The following NSMCE2 variants were observed in gnomAD, a reference collection of about 807,000 sequenced individuals.
The protein encoded by NSMCE2 is E3 SUMO-protein ligase NSE2.
Under a neutral mutation model 23.8 loss-of-function variants are expected in NSMCE2, and 24 were observed. The ratio of observed to expected loss-of-function variants is 1.01; its 90% confidence interval spans 0.73 to 1.42. The LOEUF (loss-of-function observed/expected upper bound fraction) is 1.42. Among genes scored for constraint, NSMCE2 ranks in the 40% most tolerant of loss-of-function variants. NSMCE2 has a pLI of 0.00. For missense variants in NSMCE2, 284 were observed against 296.5 expected, an observed-to-expected ratio of 0.96 and a Z score of 0.31; for synonymous variants, 92 against 94.1, an observed-to-expected ratio of 0.98 and a Z score of 0.13.
intron 5 of NSMCE2, among the ~76,000 whole-genome samples, chr8:125,229,359 G>A (rs1408713694): frequency 6.6e-6 from 1 of 152,126 alleles, no homozygotes; most frequent in African/African-American, 2.4e-5. Context: ...ATCCTTAATA[G>A]TAAAATATTT....
intron 5 of NSMCE2, among the ~76,000 whole-genome samples, chr8:125,229,184 T>C (rs1158177364): frequency 1.3e-5 from 2 of 152,108 alleles, no homozygotes; most frequent in South Asian, 4.1e-4. Flanking sequence ...AAGCAAGACA[T>C]GGAGAACCTG....
At chr8:125,191,028 AC>A (rs1286657611) in intron 5 of NSMCE2, among the ~76,000 whole-genome samples, 1 of 151,820 alleles carries the variant, frequency 6.6e-6, no homozygotes, top group Admixed American at 6.6e-5. Flanking sequence ...CCGCCACGCC[AC>A]CTAGCTAATT....
chr8:125,149,839 A>G (rs1417578138), intron 3 of NSMCE2, among the ~76,000 whole-genome samples: 1 of 152,002 alleles, frequency 6.6e-6, no homozygotes, highest in Non-Finnish European at 1.5e-5. Context: ...ATAGGTATGT[A>G]AGGTTTTTTT....
chr8:125,096,310 A>C (rs1200206799), intron 1 of NSMCE2, among the ~76,000 whole-genome samples: 1 of 152,210 alleles, frequency 6.6e-6, no homozygotes, highest in African/African-American at 2.4e-5. Flanking sequence ...GTTGAAGAGG[A>C]AATGGTTTTG....
intron 4 of NSMCE2, among the ~76,000 whole-genome samples, chr8:125,154,511 T>TAA (rs56201104): frequency 2.5e-3 from 309 of 124,048 alleles, no homozygotes; most frequent in African/African-American, 6.5e-3. Context: ...CTCTGAAAGT[T>TAA]AAAAAAAAAA....
At chr8:125,159,959 C>CA (rs1201506209) in intron 4 of NSMCE2, among the ~76,000 whole-genome samples, 7,074 of 102,424 alleles carry the variant, frequency 0.069, 538 homozygotes, top group African/African-American at 0.22. Context: ...GACTCTGTCT[C>CA]AAAAAAAAAA....
At chr8:125,227,945 A>G (rs1274288378) in intron 5 of NSMCE2, among the ~76,000 whole-genome samples, 2 of 152,196 alleles carry the variant, frequency 1.3e-5, no homozygotes, top group Non-Finnish European at 2.9e-5. Flanking sequence ...CTAATATTTC[A>G]TGTTATGCAT....
At chr8:125,180,122 C>T (rs1010532369) in intron 4 of NSMCE2, among the ~76,000 whole-genome samples, 2 of 152,176 alleles carry the variant, frequency 1.3e-5, no homozygotes, top group East Asian at 1.9e-4. Context: ...TTTTGAACTT[C>T]TTGCATTTTG....
At chr8:125,096,541 G>GTT (rs113915534) in intron 1 of NSMCE2, among the ~76,000 whole-genome samples, 4 of 89,068 alleles carry the variant, frequency 4.5e-5, no homozygotes, top group South Asian at 3.6e-4. Flanking sequence ...AGTGTTATTT[G>GTT]TTTTTTTTTT....
intron 3 of NSMCE2, among the ~76,000 whole-genome samples, chr8:125,109,091 A>G (rs1818606434): frequency 6.6e-6 from 1 of 152,214 alleles, no homozygotes; most frequent in Non-Finnish European, 1.5e-5. Flanking sequence ...AGGTATTGTA[A>G]CTAAGGTAAA....
intron 5 of NSMCE2, among the ~76,000 whole-genome samples, chr8:125,246,136 TAACTCTGTGAC>T (rs1355239567): frequency 1.3e-5 from 2 of 152,194 alleles, no homozygotes; most frequent in African/African-American, 4.8e-5. Context: ...AATTCAGTTT[TAACTCTGTGAC>T]AATTCAATCT....
chr8:125,111,772 C>T (rs182110761), intron 3 of NSMCE2, among the ~76,000 whole-genome samples: 1 of 152,264 alleles, frequency 6.6e-6, no homozygotes, highest in Non-Finnish European at 1.5e-5. Flanking sequence ...TGCACTGCAA[C>T]CTAGGCAGTA....
chr8:125,233,716 A>T (rs898181013), intron 5 of NSMCE2, among the ~76,000 whole-genome samples: 3 of 152,204 alleles, frequency 2.0e-5, no homozygotes, highest in Non-Finnish European at 4.4e-5. Context: ...GAAACTCGTG[A>T]TAAGATTGTC....
chr8:125,207,932 AACTTTTGTCAG>A (rs767566537), intron 5 of NSMCE2, among the ~76,000 whole-genome samples: 2 of 152,232 alleles, frequency 1.3e-5, no homozygotes, highest in Non-Finnish European at 2.9e-5. Context: ...CTCACAGTGT[AACTTTTGTCAG>A]ACTTTTGGTC....
At chr8:125,106,790 G>GT (rs1818481439) in intron 3 of NSMCE2, among the ~76,000 whole-genome samples, 1 of 151,924 alleles carries the variant, frequency 6.6e-6, no homozygotes, top group South Asian at 2.1e-4. Flanking sequence ...GAGTTCAGGA[G>GT]TTGGAGACCA....
intron 5 of NSMCE2, among the ~76,000 whole-genome samples, chr8:125,356,508 T>G (rs1813289812): frequency 6.6e-6 from 1 of 152,070 alleles, no homozygotes; most frequent in South Asian, 2.1e-4. Context: ...TTTGTAGTTT[T>G]GGTAGAGATG....
Position 125,272,758 on chromosome 8 carries a change from T to C in NSMCE2, c.419-84461T>C, listed in dbSNP as rs571144191. Among the ~76,000 whole-genome samples, 8 of 142,658 alleles carry C rather than the reference T, an allele frequency of 5.6e-5. No individual in the cohort carries two copies. The South Asian group carries it at 1.3e-3, about 23-fold the overall frequency. 93.6% of individuals were successfully genotyped at this position (142,658 alleles called of 152,430 possible). A position where few individuals can be genotyped will look rare whatever the true frequency, so the allele number is the denominator to read the frequency against. On this transcript the variant is annotated intron_variant, in intron 5 of 7. Coordinates refer to ENST00000287437, the MANE Select transcript of NSMCE2 (RefSeq NM_173685.4). ...ACACACACATATATATACACACGTA[T>C]ATATATATACACACACACGTATATA...
chr8:125,366,764 A>G lies in NSMCE2; in HGVS notation c.627-4A>G. 6.4e-7 allele frequency: 1 copy of G among 1,562,434 alleles called. No homozygotes were observed. The highest frequency in any genetic ancestry group is 1.7e-5 in the Admixed American group (1 of 59,662). On this transcript the variant is annotated splice_polypyrimidine_tract_variant and splice_region_variant and intron_variant, in intron 7 of 7. Coordinates refer to ENST00000287437, the MANE Select transcript of NSMCE2 (RefSeq NM_173685.4). ...ACTGACTTGATGTTCTTTCTTTCTC[A>G]CAGTTGCCCTCAAATTGGCTGTAGC...
At chr8:125,351,253 A>T (rs1014954185) in intron 5 of NSMCE2, 1 of 152,084 alleles carries the variant, frequency 6.6e-6, no homozygotes, top group South Asian at 2.1e-4. Context: ...GACACCTCCC[A>T]TCCAATTTTA....
Sources: allele counts gnomAD v4.1 joint callset (sites outside exome capture counted in the v4.1 genomes callset), GRCh38; gene constraint gnomAD v4.1.1; transcripts MANE v1.5; gene names NCBI Gene and HGNC (gene_info 2026-07-23, HGNC 2026-07-21).